The following ZBTB25 variants were observed in gnomAD, a reference collection of about 807,000 sequenced individuals.
ZBTB25 encodes zinc finger and BTB domain containing 25, also known as zinc finger and BTB domain-containing protein 25.
Under a neutral mutation model 34.2 loss-of-function variants are expected in ZBTB25, and 20 were observed. That is an observed-to-expected ratio of 0.58 (90% CI 0.41 to 0.85). The LOEUF (loss-of-function observed/expected upper bound fraction) is 0.85, where lower values mean the gene tolerates loss of function less well. Ranked by LOEUF, ZBTB25 falls within the 40% of genes least tolerant of loss-of-function variation. ZBTB25 has a pLI of 0.00. For synonymous variants in ZBTB25, 175 were observed against 186.4 expected (o/e 0.94, Z 0.50); for missense variants, 437 against 521.8 (o/e 0.84, Z 1.58).
At chr14:64,496,238 A>C (rs1351810634) in intron 1 of ZBTB25, among the ~76,000 whole-genome samples, 1 of 152,010 alleles carries the variant, frequency 6.6e-6, no homozygotes, top group Non-Finnish European at 1.5e-5. Flanking sequence ...TAATCCCAGC[A>C]CTTTGGGAGG....
intron 2 of ZBTB25, chr14:64,469,617 T>C (rs1190301225): frequency 1.9e-6 from 3 of 1,609,580 alleles, no homozygotes; most frequent in Non-Finnish European, 2.5e-6. Flanking sequence ...CAGTTGTCAA[T>C]AGAACAGCTG....
At chr14:64,454,346 C>T (rs1454864625) in intron 2 of ZBTB25, among the ~76,000 whole-genome samples, 1 of 152,180 alleles carries the variant, frequency 6.6e-6, no homozygotes, top group Non-Finnish European at 1.5e-5. Context: ...CTCCTGGGCT[C>T]AAGCAGTCCA....
At chr14:64,465,096 C>T (rs1332858500) in intron 2 of ZBTB25, among the ~76,000 whole-genome samples, 1 of 152,232 alleles carries the variant, frequency 6.6e-6, no homozygotes, top group Non-Finnish European at 1.5e-5. Flanking sequence ...CGATGTCTGC[C>T]TTGTCTTTAA....
chr14:64,476,481 C>T (rs1314203227), downstream of ZBTB25, among the ~76,000 whole-genome samples: 6 of 149,070 alleles, frequency 4.0e-5, no homozygotes, highest in Admixed American at 6.7e-5. Flanking sequence ...CCACTATGCC[C>T]GGCTAATTTT....
chr14:64,473,363 C>T (rs1370310019), downstream of ZBTB25: 1 of 167,046 alleles, frequency 6.0e-6, no homozygotes, highest in African/African-American at 2.4e-5. Context: ...TATTTGACAG[C>T]ATGAAGTTTG....
At chr14:64,476,032 T>C (rs865866605), downstream of ZBTB25, among the ~76,000 whole-genome samples, 16 of 152,172 alleles carry the variant, frequency 1.1e-4, no homozygotes, top group African/African-American at 3.9e-4. Flanking sequence ...TCCTGGGAGA[T>C]AGGAAACAAA....
chr14:64,466,444 A>G (rs1354456025), intron 2 of ZBTB25, among the ~76,000 whole-genome samples: 3 of 152,178 alleles, frequency 2.0e-5, no homozygotes, highest in Non-Finnish European at 2.9e-5. Context: ...CAATATTTCT[A>G]TTATGTGGTA....
At chr14:64,469,850 A>C in intron 2 of ZBTB25, 1 of 544,376 alleles carries the variant, frequency 1.8e-6, no homozygotes, top group Non-Finnish European at 3.2e-6. Context: ...AAACTCTACC[A>C]CTGAAATGCA....
chr14:64,491,116 T>C (rs2079060809), intron 1 of ZBTB25, among the ~76,000 whole-genome samples: 1 of 152,128 alleles, frequency 6.6e-6, no homozygotes, highest in Non-Finnish European at 1.5e-5. Context: ...GCTCAGGAAC[T>C]CTTAAAATAG....
rs1393743952 is a variant in ZBTB25 at position 64,480,338 on chromosome 14, A to T, written c.*6585T>A. On this transcript the variant is annotated 3_prime_UTR_variant, in exon 3 of 3. Transcript: ENST00000608382. ...ACTCCATCTCAAAAAAAAAAAAAAA[A>T]AAAAAAAAGAAGAAGCAAAGCAAGA... The T allele has an allele frequency of 2.5e-6, 1 of 406,284 alleles. No individual in the cohort carries two copies. Among genetic ancestry groups the T allele is most frequent in the Non-Finnish European group, 4.8e-6 (1 of 209,844 alleles). 25.2% of individuals were successfully genotyped at this position (406,284 alleles called of 1,614,324 possible). A position where few individuals can be genotyped will look rare whatever the true frequency, so the allele number is the denominator to read the frequency against.
intron 2 of ZBTB25, among the ~76,000 whole-genome samples, 138 bp downstream of exon 2, chr14:64,490,208 CAAAAAAAAAAAAAAA>C (rs61367816): frequency 0.022 from 1,978 of 90,798 alleles, 41 homozygotes; most frequent in African/African-American, 0.12. Context: ...ACTCTGTCGC[CAAAAAAAAAAAAAAA>C]AAAAAAAAAA....
chr14:64,469,620 A>G, intron 2 of ZBTB25: 1 of 1,609,054 alleles, frequency 6.2e-7, no homozygotes, highest in Non-Finnish European at 8.5e-7. Flanking sequence ...TTGTCAATAG[A>G]ACAGCTGGTT....
At chr14:64,488,161 C>T (rs1433891474) in intron 2 of ZBTB25, 104 bp from the exon 3 acceptor site, 16 of 1,467,344 alleles carry the variant, frequency 1.1e-5, no homozygotes, top group Admixed American at 4.9e-5. Context: ...CTAAGAAGTT[C>T]GAACCTAGCA....
chr14:64,464,341 A>C (rs753814157), intron 2 of ZBTB25, among the ~76,000 whole-genome samples: 1 of 152,098 alleles, frequency 6.6e-6, no homozygotes, highest in African/African-American at 2.4e-5. Flanking sequence ...CTGAATTCTT[A>C]ATTACAACTA....
At chr14:64,457,887 G>A (rs900976346) in intron 2 of ZBTB25, 3 of 393,050 alleles carry the variant, frequency 7.6e-6, no homozygotes, top group Non-Finnish European at 9.3e-6. Flanking sequence ...TGAAGGAAAA[G>A]TGAAAGTAAA....
At chr14:64,495,297 A>C (rs2079229733) in intron 1 of ZBTB25, among the ~76,000 whole-genome samples, 1 of 152,222 alleles carries the variant, frequency 6.6e-6, no homozygotes, top group South Asian at 2.1e-4. Flanking sequence ...CAGCAGCTGA[A>C]ATCTCTGCTC....
At chr14:64,463,184 G>A (rs539206346) in intron 2 of ZBTB25, 22 of 150,154 alleles carry the variant, frequency 1.5e-4, no homozygotes, top group Admixed American at 1.3e-3. Flanking sequence ...CCTGAATTCA[G>A]GAATGACAGG....
intron 2 of ZBTB25, chr14:64,472,879 A>G (rs1173529161): frequency 6.0e-6 from 1 of 167,060 alleles, no homozygotes; most frequent in Admixed American, 6.5e-5. Flanking sequence ...AACAACATTA[A>G]AATAATTATT....
intron 2 of ZBTB25, chr14:64,453,717 C>A: frequency 8.1e-7 from 1 of 1,234,592 alleles, no homozygotes. Flanking sequence ...TCACATGTGT[C>A]CAGTCATGGT....
Sources: allele counts gnomAD v4.1 joint callset (sites outside exome capture counted in the v4.1 genomes callset), GRCh38; gene constraint gnomAD v4.1.1; transcripts MANE v1.5; gene names NCBI Gene and HGNC (gene_info 2026-07-23, HGNC 2026-07-21).